AEN: variants seen among roughly 807,000 people sequenced by gnomAD.
AEN encodes the protein apoptosis enhancing nuclease.
Under a neutral mutation model 17.7 loss-of-function variants are expected in AEN, and 21 were observed. The ratio of observed to expected loss-of-function variants is 1.19; its 90% confidence interval spans 0.84 to 1.71. AEN has a LOEUF of 1.71. AEN is among the 40% of genes most tolerant of loss of function. The pLI, the probability that AEN is intolerant of heterozygous loss-of-function variation, is 0.00. For missense variants in AEN, 462 were observed against 435.9 expected (o/e 1.06, Z -0.53); for synonymous variants, 190 against 173.0 (o/e 1.10, Z -0.77).
At chr15:88,627,052 T>C in intron 2 of AEN, 1 of 344,722 alleles carries the variant, frequency 2.9e-6, no homozygotes, top group Non-Finnish European at 5.4e-6. Flanking sequence ...TACGCATTGA[T>C]ATAAAATTTG....
chr15:88,615,653 C>T, the AEN span, among the ~76,000 whole-genome samples: 48 of 152,246 alleles, frequency 3.2e-4, no homozygotes, highest in African/African-American at 1.1e-3. Flanking sequence ...TACCCCTTGA[C>T]TTTCTGGGCC....
intron 1 of AEN, among the ~76,000 whole-genome samples, chr15:88,625,150 C>G (rs756819773): frequency 6.6e-6 from 1 of 152,196 alleles, no homozygotes; most frequent in Non-Finnish European, 1.5e-5. Context: ...CAGAAATCTG[C>G]AAGCACTTCA....
chr15:88,609,571 A>G, the AEN span, among the ~76,000 whole-genome samples: 1 of 152,202 alleles, frequency 6.6e-6, no homozygotes, highest in Non-Finnish European at 1.5e-5. Flanking sequence ...CCATGGAAAC[A>G]AGCGTTGCTA....
chr15:88,629,289 C>A lies in AEN; in HGVS notation c.604C>A (p.Leu202Ile). 6.2e-7 allele frequency: 1 copy of A among 1,614,172 alleles called. No individual in the cohort carries two copies. Among genetic ancestry groups the A allele is most frequent in the Non-Finnish European group, 8.5e-7 (1 of 1,180,018 alleles). Reference protein sequence around the residue: ...GHALHNDFQALKYVHPRSQTR... With the variant: ...GHALHNDFQAIKYVHPRSQTR... ...CGCGCTGCACAACGACTTCCAGGCGCTCAAGTATGTCCACCCTCGGAGCCA... is the reference window on the plus strand; with the variant it reads ...CGCGCTGCACAACGACTTCCAGGCGATCAAGTATGTCCACCCTCGGAGCCA... The change falls in exon 3 of 4, where the codon CTC becomes ATC. Residue 202 changes from leucine (L) to isoleucine (I), a missense_variant. Transcript: ENST00000332810.
intron 1 of AEN, among the ~76,000 whole-genome samples, chr15:88,624,966 G>A (rs2057833193): frequency 6.6e-6 from 1 of 152,118 alleles, no homozygotes; most frequent in Admixed American, 6.5e-5. Flanking sequence ...TGACTGACTT[G>A]GCATAACAAA....
At chr15:88,622,912 T>G (rs1041306384) in intron 1 of AEN, among the ~76,000 whole-genome samples, 1 of 152,230 alleles carries the variant, frequency 6.6e-6, no homozygotes, top group African/African-American at 2.4e-5. Flanking sequence ...TCAGGGTGTT[T>G]GGAAAAGGAC....
chr15:88,614,854 G>A, the AEN span, among the ~76,000 whole-genome samples: 3 of 151,638 alleles, frequency 2.0e-5, no homozygotes, highest in East Asian at 1.9e-4. Context: ...TGACCCAAGC[G>A]TCTGTGGTGC....
chr15:88,622,419 A>G lies in AEN; in HGVS notation c.-65+1037A>G, dbSNP rs564577998. Among the ~76,000 whole-genome samples the G allele has an allele frequency of 1.1e-4, 16 of 152,346 alleles. No individual in the cohort carries two copies. In the South Asian group the frequency reaches 3.3e-3, roughly 32 times the overall value. ...CAGGAGGAGCCGCGGACAAAACCCC[A>G]CAGAGGTAGTGAAGGAATTGGCTTT... On this transcript the variant is annotated intron_variant, in intron 1 of 3. Coordinates refer to ENST00000332810, the MANE Select transcript of AEN (RefSeq NM_022767.4).
the AEN span, among the ~76,000 whole-genome samples, chr15:88,614,072 A>G: frequency 6.6e-6 from 1 of 152,158 alleles, no homozygotes; most frequent in Non-Finnish European, 1.5e-5. Context: ...AGGGGACTCA[A>G]TATATATTGA....
upstream of AEN, among the ~76,000 whole-genome samples, chr15:88,617,012 C>T (rs1181485340): frequency 6.6e-6 from 1 of 152,170 alleles, no homozygotes; most frequent in African/African-American, 2.4e-5. Flanking sequence ...TTAATATGGA[C>T]ATCTTAAAAA....
At chr15:88,626,107 C>G (rs1452191003) in intron 1 of AEN, 39 bp from the exon 2 acceptor site, 2 of 1,347,506 alleles carry the variant, frequency 1.5e-6, no homozygotes, top group Non-Finnish European at 2.0e-6. Flanking sequence ...GCCTGGCACA[C>G]TCTCACCCAG....
the AEN span, chr15:88,611,796 G>T: frequency 4.2e-6 from 2 of 473,188 alleles, no homozygotes; most frequent in Non-Finnish European, 8.5e-6. Context: ...GGGGAGGGGG[G>T]TGGTCCTCGA....
Position 88,626,717 on chromosome 15 carries a change from A to G in AEN, c.508A>G (p.Lys170Glu). 1 of 1,611,916 alleles carries G rather than the reference A, an allele frequency of 6.2e-7. No individual in the cohort carries two copies. Among genetic ancestry groups the G allele is most frequent in the South Asian group, 1.1e-5 (1 of 91,086 alleles). The change falls in exon 2 of 4, where the codon AAG becomes GAG. Residue 170 changes from lysine to glutamate, a missense_variant. Lys to Glu is a moderately conservative substitution (Grantham distance 56). Coordinates refer to ENST00000332810, the MANE Select transcript of AEN (RefSeq NM_022767.4). ...TGGCATCACTCGGCAGCACATGCGC[A>G]AGGCTGTCCCCTTCCAGGTGGCCCA... ...WSGITRQHMR[K>E]AVPFQVAQKE...
chr15:88,614,868 T>TTG, the AEN span, among the ~76,000 whole-genome samples: 8 of 151,532 alleles, frequency 5.3e-5, no homozygotes, highest in East Asian at 1.9e-4. Context: ...GTGGTGCTTT[T>TTG]TTGTTGTTGT....
chr15:88,619,082 C>A (rs1191394952), upstream of AEN, among the ~76,000 whole-genome samples: 4 of 152,224 alleles, frequency 2.6e-5, no homozygotes, highest in Non-Finnish European at 4.4e-5. Context: ...GACCTAACAA[C>A]ATGATTAGAT....
At chr15:88,615,834 T>TG in the AEN span, among the ~76,000 whole-genome samples, 1 of 152,096 alleles carries the variant, frequency 6.6e-6, no homozygotes, top group African/African-American at 2.4e-5. Flanking sequence ...CCCAGCACCA[T>TG]GGGGATCCCC....
upstream of AEN, among the ~76,000 whole-genome samples, chr15:88,619,624 G>A (rs1026338266): frequency 6.6e-6 from 1 of 152,134 alleles, no homozygotes; most frequent in African/African-American, 2.4e-5. Flanking sequence ...GGAGGCACAT[G>A]TTGCAGTGAG....
the AEN span, chr15:88,604,705 C>A: frequency 6.6e-6 from 1 of 152,330 alleles, no homozygotes; most frequent in Non-Finnish European, 1.5e-5. The surrounding 1 kb of genome is among the most constrained non-coding windows in gnomAD (Gnocchi z 8.1). Context: ...TGTGTTTGCA[C>A]CCGGCGGACC....
At chr15:88,608,374 C>G in the AEN span, among the ~76,000 whole-genome samples, 3 of 152,168 alleles carry the variant, frequency 2.0e-5, no homozygotes, top group Non-Finnish European at 4.4e-5. Flanking sequence ...AACATACCTG[C>G]CTTATACATT....
Sources: allele counts gnomAD v4.1 joint callset (sites outside exome capture counted in the v4.1 genomes callset), GRCh38; gene constraint gnomAD v4.1.1; non-coding constraint Gnocchi (gnomAD v3.1); transcripts MANE v1.5; gene names NCBI Gene and HGNC (gene_info 2026-07-23, HGNC 2026-07-21).